PTPN20: variants seen among roughly 807,000 people sequenced by gnomAD.
The protein encoded by PTPN20 is protein tyrosine phosphatase non-receptor type 20.
PTPN20 carries 9 observed loss-of-function variants against 35.0 expected under a neutral mutation model. That is an observed-to-expected ratio of 0.26 (90% CI 0.15 to 0.45). The LOEUF (loss-of-function observed/expected upper bound fraction) is 0.45. Ranked by LOEUF, PTPN20 falls within the 20% of genes least tolerant of loss-of-function variation. The pLI, the probability that PTPN20 is intolerant of heterozygous loss-of-function variation, is 1.00. For missense variants in PTPN20, 111 were observed against 312.5 expected (o/e 0.36, Z 4.86); for synonymous variants, 32 against 100.2 (o/e 0.32, Z 4.06).
chr10:46,928,179 G>A (rs1402330603), intron 1 of PTPN20, among the ~76,000 whole-genome samples: 56 of 151,820 alleles, frequency 3.7e-4, no homozygotes, highest in Non-Finnish European at 1.6e-4. Flanking sequence ...TGTTGATATA[G>A]GGTCTCAGTG....
intron 9 of PTPN20, among the ~76,000 whole-genome samples, chr10:46,998,842 G>C (rs1253083455): frequency 6.6e-6 from 1 of 152,076 alleles, no homozygotes; most frequent in Non-Finnish European, 1.5e-5. Context: ...TTTTTTTATG[G>C]CAGATATGGT....
At chr10:46,992,402 C>T (rs972526826) in intron 9 of PTPN20, among the ~76,000 whole-genome samples, 1 of 152,100 alleles carries the variant, frequency 6.6e-6, no homozygotes, top group Non-Finnish European at 1.5e-5. Flanking sequence ...GGATCATAGG[C>T]ATGAGCCACC....
intron 4 of PTPN20, among the ~76,000 whole-genome samples, chr10:46,945,673 G>A (rs1436600822): frequency 7.9e-5 from 12 of 152,058 alleles, no homozygotes; most frequent in Admixed American, 2.0e-4. Context: ...CAAATTAGGA[G>A]GATTTTGCTA....
chr10:46,995,896 C>G (rs2059019187), intron 9 of PTPN20, among the ~76,000 whole-genome samples: 1 of 152,110 alleles, frequency 6.6e-6, no homozygotes, highest in Non-Finnish European at 1.5e-5. Flanking sequence ...TTTTTCCCAT[C>G]TCTGTGGATC....
At chr10:46,936,326 A>T (rs1362503741) in intron 2 of PTPN20, among the ~76,000 whole-genome samples, 1 of 151,966 alleles carries the variant, frequency 6.6e-6, no homozygotes. Flanking sequence ...TCTTGTTTAT[A>T]CATCTGGTAG....
At chr10:46,998,756 C>A (rs1338902399) in intron 9 of PTPN20, among the ~76,000 whole-genome samples, 2 of 152,256 alleles carry the variant, frequency 1.3e-5, no homozygotes, top group African/African-American at 4.8e-5. Context: ...CAAGATGACA[C>A]CATCTGGGAA....
intron 5 of PTPN20, among the ~76,000 whole-genome samples, chr10:46,963,721 T>C (rs2050047433): frequency 1.0e-5 from 1 of 95,644 alleles, no homozygotes; most frequent in Non-Finnish European, 1.9e-5. Flanking sequence ...TGATCACAAA[T>C]GGCTTTAACT....
rs1233656864 is a variant in PTPN20 at position 46,948,985 on chromosome 10, T to C, written c.340+2310T>C. 2.2e-4 allele frequency among the ~76,000 whole-genome samples: 33 copies of C among 150,610 alleles called. No homozygotes were observed. The South Asian group carries it at 6.9e-3, about 31-fold the overall frequency. On this transcript the variant is annotated intron_variant, in intron 5 of 10. Coordinates refer to ENST00000374339, the MANE Select transcript of PTPN20 (RefSeq NM_001042357.5). ...ATAATAATGGCATTAAATCCTGGGC[T>C]TAGGACTGTTTTCTGCACCTTCTCC...
In PTPN20 at chr10:47,000,916, T is replaced by A. The variant is rs2138304991; in HGVS notation, c.*175T>A. The A allele has an allele frequency of 4.1e-6, 3 of 738,708 alleles. No individual in the cohort carries two copies. In the African/African-American group the frequency reaches 5.3e-5, roughly 13 times the overall value. 45.8% of individuals were successfully genotyped at this position (738,708 alleles called of 1,614,324 possible). ...AAGGGCAATATCATTTGGCTTGGGGTGATCAGTGTTTACTTATTGATCTTG... is the reference window on the plus strand; with the variant it reads ...AAGGGCAATATCATTTGGCTTGGGGAGATCAGTGTTTACTTATTGATCTTG... On this transcript the variant is annotated 3_prime_UTR_variant, in exon 11 of 11. Transcript: ENST00000374339.
At position 46,944,727 on chromosome 10, in the gene PTPN20, C is replaced by G. The variant is rs1173250334; in HGVS notation, c.227+712C>G. On this transcript the variant is annotated intron_variant, in intron 4 of 10. Coordinates refer to ENST00000374339, the MANE Select transcript of PTPN20 (RefSeq NM_001042357.5). ...GTGCATTAAACAAATAATAGTAATT[C>G]CAAAGACATTTTGAGATTCTGTGAT... Among the ~76,000 whole-genome samples the G allele has an allele frequency of 1.4e-5, 2 of 141,390 alleles. 1 individual carries two copies. The highest frequency in any genetic ancestry group is 3.0e-5 in the Non-Finnish European group (2 of 66,992). 92.8% of individuals were successfully genotyped at this position (141,390 alleles called of 152,430 possible). A position where few individuals can be genotyped will look rare whatever the true frequency, so the allele number is the denominator to read the frequency against.
At chr10:46,949,162 A>G (rs1232315257) in intron 5 of PTPN20, among the ~76,000 whole-genome samples, 2 of 152,104 alleles carry the variant, frequency 1.3e-5, no homozygotes, top group Non-Finnish European at 2.9e-5. Context: ...CGACCATGAC[A>G]GTGGCTCCCC....
chr10:46,953,701 G>A (rs374959340), intron 5 of PTPN20, among the ~76,000 whole-genome samples: 5,862 of 97,172 alleles, frequency 0.06, 20 homozygotes, highest in Middle Eastern at 0.089. Flanking sequence ...TTGATATACC[G>A]TGAGTTACTT....
intron 9 of PTPN20, among the ~76,000 whole-genome samples, chr10:46,999,103 CTA>C (rs2059657066): frequency 6.6e-6 from 1 of 152,000 alleles, no homozygotes; most frequent in Non-Finnish European, 1.5e-5. Flanking sequence ...CTCTAAAAAA[CTA>C]AAAGTTTTTT....
At chr10:46,967,880 AT>A (rs1318788873) in intron 6 of PTPN20, 76 bp from the exon 7 acceptor site, 9 of 329,832 alleles carry the variant, frequency 2.7e-5, no homozygotes, top group African/African-American at 1.5e-4. Flanking sequence ...ACAAAGGCAT[AT>A]TTTTTTCTTT....
At chr10:46,945,476 C>T (rs1293053441) in intron 4 of PTPN20, among the ~76,000 whole-genome samples, 1 of 152,180 alleles carries the variant, frequency 6.6e-6, no homozygotes, top group Non-Finnish European at 1.5e-5. Flanking sequence ...AAGGTTAAAG[C>T]ATACAGTGCA....
chr10:47,002,890 T>A (rs1263267045), downstream of PTPN20, among the ~76,000 whole-genome samples: 3 of 152,026 alleles, frequency 2.0e-5, no homozygotes, highest in African/African-American at 7.2e-5. Flanking sequence ...CCTTTAGCAC[T>A]CAAAAGTTAT....
In PTPN20 at chr10:46,940,710, G is replaced by C; in HGVS notation, c.122G>C (p.Arg41Thr). ...LPSSSQENTP[R>T]SKVFENKVNS... The stretch of plus-strand genomic sequence containing the variant: ...TCATCAAGTCAGGAAAACACACCTA[G>C]ATCAAAGGTAAGACTAAAAGGAGAG... The change falls in exon 3 of 11, where the codon AGA (arginine) becomes ACA (threonine). Residue 41 changes from arginine to threonine, a missense_variant. Physicochemically the swap from Arg to Thr is moderately conservative, Grantham distance 71. Coordinates refer to ENST00000374339, the MANE Select transcript of PTPN20 (RefSeq NM_001042357.5). 1.2e-6 allele frequency: 2 copies of C among 1,610,090 alleles called. No individual in the cohort carries two copies. The highest frequency in any genetic ancestry group is 1.7e-6 in the Non-Finnish European group (2 of 1,178,942).
At chr10:46,997,129 T>G (rs1268309390) in intron 9 of PTPN20, among the ~76,000 whole-genome samples, 4 of 152,176 alleles carry the variant, frequency 2.6e-5, no homozygotes, top group Non-Finnish European at 4.4e-5. Context: ...TTTATTTAGG[T>G]CTTTTTTGAA....
At chr10:46,972,312 G>A (rs1351183178) in intron 7 of PTPN20, among the ~76,000 whole-genome samples, 2 of 152,218 alleles carry the variant, frequency 1.3e-5, no homozygotes, top group East Asian at 3.9e-4. Flanking sequence ...TATAAGGATG[G>A]CAAATAAATG....
Sources: gnomAD v4.1 joint callset for allele counts (sites outside exome capture counted in the v4.1 genomes callset) on GRCh38, gnomAD v4.1.1 for gene constraint, MANE v1.5 for transcripts, NCBI Gene and HGNC (gene_info 2026-07-23, HGNC 2026-07-21) for gene names.